Variants in LRCH1 observed in about 807,000 individuals in gnomAD.
The protein encoded by LRCH1 is leucine rich repeats and calponin homology domain containing 1.
LRCH1 carries 23 observed loss-of-function variants against 94.9 expected under a neutral mutation model. The ratio of observed to expected loss-of-function variants is 0.24; its 90% CI spans 0.17 to 0.34. The LOEUF (loss-of-function observed/expected upper bound fraction) is 0.34, where lower values mean the gene tolerates loss of function less well. Among genes scored for constraint, LRCH1 ranks in the 10% least tolerant of loss-of-function variants. The pLI is 1.00. For missense variants in LRCH1, 790 were observed against 945.9 expected, an observed-to-expected ratio of 0.84 and a Z score of 2.16; for synonymous variants, 364 against 354.9, an observed-to-expected ratio of 1.03 and a Z score of -0.29.
At chr13:46,682,561 G>A (rs1870375916) in intron 4 of LRCH1, among the ~76,000 whole-genome samples, 1 of 152,200 alleles carries the variant, frequency 6.6e-6, no homozygotes, top group Non-Finnish European at 1.5e-5. Flanking sequence ...GACATACTTT[G>A]TTCTACAGAT....
chr13:46,577,421 C>A lies in LRCH1; in HGVS notation c.307+23718C>A, dbSNP rs189178768. 1.7e-3 allele frequency among the ~76,000 whole-genome samples: 257 copies of A among 152,298 alleles called. 2 individuals carry two copies. The highest frequency in any genetic ancestry group is 6.0e-3 in the African/African-American group (251 of 41,562). On this transcript the variant is annotated intron_variant, in intron 1 of 19. Coordinates refer to ENST00000389797, the MANE Select transcript of LRCH1 (RefSeq NM_001164211.2). Reference sequence around the variant, plus strand: ...CCCCCAGTTCTTCTTTTAAAGGCATCACCTAATTAGGTCAGGCCCACTCAA... The same window carrying A: ...CCCCCAGTTCTTCTTTTAAAGGCATAACCTAATTAGGTCAGGCCCACTCAA...
intron 1 of LRCH1, among the ~76,000 whole-genome samples, chr13:46,594,243 G>GAAAAA (rs1266865419): frequency 8.3e-6 from 1 of 119,922 alleles, no homozygotes; most frequent in African/African-American, 2.9e-5. Context: ...TAATCTCAGT[G>GAAAAA]AAAAAAAAAA....
At chr13:46,739,045 G>A (rs1873525886) in intron 19 of LRCH1, among the ~76,000 whole-genome samples, 1 of 152,160 alleles carries the variant, frequency 6.6e-6, no homozygotes, top group Non-Finnish European at 1.5e-5. Context: ...TACTTTGTAA[G>A]CATATTGACT....
intron 4 of LRCH1, among the ~76,000 whole-genome samples, chr13:46,683,287 G>A (rs1870436180): frequency 6.6e-6 from 1 of 152,184 alleles, no homozygotes; most frequent in Admixed American, 6.5e-5. Flanking sequence ...AAGGTAATGT[G>A]CTTTATAGAT....
In LRCH1 at chr13:46,723,233, C is replaced by G. The variant is rs1872665186; in HGVS notation, c.1772C>G (p.Pro591Arg). Residue 591 changes from proline to arginine, a missense_variant, in exon 17 of 20, where the codon CCT (proline) becomes CGT (arginine). By Grantham distance (103) the Pro-to-Arg change is moderately radical. Coordinates refer to ENST00000389797, the MANE Select transcript of LRCH1 (RefSeq NM_001164211.2). Reference protein sequence around the residue: ...EGDSDNVFLRPQRNLESIDPQ... With the variant: ...EGDSDNVFLRRQRNLESIDPQ... ...CTTTGTATTGTAGTGTTTCTAAGACCTCAGAGAAATTTGGAATCTATAGAC... is the reference window on the plus strand; with the variant it reads ...CTTTGTATTGTAGTGTTTCTAAGACGTCAGAGAAATTTGGAATCTATAGAC... 6.2e-7 allele frequency: 1 copy of G among 1,608,978 alleles called. No individual in the cohort carries two copies. The highest frequency in any genetic ancestry group is 1.1e-5 in the South Asian group (1 of 90,784).
chr13:46,664,524 C>T (rs1375600739), intron 2 of LRCH1, among the ~76,000 whole-genome samples: 1 of 152,164 alleles, frequency 6.6e-6, no homozygotes, highest in Admixed American at 6.5e-5. Context: ...TATCATATAG[C>T]CTAGCCATGG....
intron 7 of LRCH1, among the ~76,000 whole-genome samples, chr13:46,690,539 A>G (rs901913376): frequency 2.0e-5 from 3 of 152,206 alleles, no homozygotes; most frequent in Admixed American, 1.3e-4. Context: ...TCACTTAAGC[A>G]TAAGTAGGAT....
intron 2 of LRCH1, among the ~76,000 whole-genome samples, chr13:46,659,532 G>A (rs1412185597): frequency 6.6e-6 from 1 of 152,070 alleles, no homozygotes. Context: ...CAAGAATTGT[G>A]CACTTTCATG....
At position 46,728,964 on chromosome 13, in the gene LRCH1, C is replaced by G. The variant is rs777187593; in HGVS notation, c.1987C>G (p.His663Asp). The G allele has an allele frequency of 6.2e-7, 1 of 1,612,962 alleles. No individual in the cohort carries two copies. ...HIRPRSVASI[H>D]VPSPAVPKLS... is the part of the protein sequence containing the mutation. ...CCGCCCACGGTCGGTTGCAAGCATCCATGTCCCATCACCAGCGGTTGTAAG... is the reference window on the plus strand; with the variant it reads ...CCGCCCACGGTCGGTTGCAAGCATCGATGTCCCATCACCAGCGGTTGTAAG... The change falls in exon 18 of 20, where the codon CAT (histidine) becomes GAT (aspartate). Residue 663 changes from histidine to aspartate, a missense_variant. Coordinates refer to ENST00000389797, the MANE Select transcript of LRCH1 (RefSeq NM_001164211.2).
chr13:46,567,492 T>TG (rs2050196708), intron 1 of LRCH1, among the ~76,000 whole-genome samples: 3 of 141,866 alleles, frequency 2.1e-5, no homozygotes, highest in African/African-American at 8.1e-5. Flanking sequence ...TAAGGCAATT[T>TG]TGTGTGTGTG....
chr13:46,746,132 A>T (rs774142415), downstream of LRCH1, among the ~76,000 whole-genome samples: 6 of 152,230 alleles, frequency 3.9e-5, no homozygotes, highest in Non-Finnish European at 8.8e-5. Context: ...AGACACATGT[A>T]GTTCAAACCC....
chr13:46,572,924 C>T (rs1323863652), intron 1 of LRCH1, among the ~76,000 whole-genome samples: 3 of 152,000 alleles, frequency 2.0e-5, no homozygotes, highest in Non-Finnish European at 2.9e-5. Context: ...CCTGGGTGAG[C>T]GACTCCTCCA....
rs151310128 is a variant in LRCH1 at position 46,659,284 on chromosome 13, G to A, written c.452+8939G>A. Among the ~76,000 whole-genome samples, 6 of 152,054 alleles carry A rather than the reference G, an allele frequency of 3.9e-5. No homozygotes were observed. The South Asian group carries it at 8.3e-4, about 21-fold the overall frequency. On this transcript the variant is annotated intron_variant, in intron 2 of 19. Coordinates refer to ENST00000389797, the MANE Select transcript of LRCH1 (RefSeq NM_001164211.2). ...CTTAGCTCACTGCAGCCTCCGCTTC[G>A]TGGGTTCAAGCGATTCTCCTGCCTC...
In LRCH1 at chr13:46,606,695, C is replaced by T. The variant is rs1201135347; in HGVS notation, c.308-43506C>T. Among the ~76,000 whole-genome samples the T allele has an allele frequency of 2.6e-5, 4 of 152,180 alleles. No homozygotes were observed. The East Asian group carries it at 5.8e-4, about 22-fold the overall frequency. On this transcript the variant is annotated intron_variant, in intron 1 of 19. Transcript: ENST00000389797. Reference sequence around the variant, plus strand: ...CAAGCTATTCTCCCGCCTCAGCCTCCTGAGTAGTTGGACTTACAGGCGTGG... The same window carrying T: ...CAAGCTATTCTCCCGCCTCAGCCTCTTGAGTAGTTGGACTTACAGGCGTGG...
chr13:46,685,911 T>G lies in LRCH1; in HGVS notation c.692T>G (p.Val231Gly). 6.3e-7 allele frequency: 1 copy of G among 1,587,098 alleles called. No homozygotes were observed. The highest frequency in any genetic ancestry group is 8.6e-7 in the Non-Finnish European group (1 of 1,168,484). The change falls in exon 5 of 20, where the codon GTA becomes GGA. Residue 231 changes from valine (V) to glycine (G), a missense_variant. By Grantham distance (109) the Val-to-Gly change is moderately radical. Transcript: ENST00000389797. Reference sequence around the variant, plus strand: ...CTTTTTTCTATTATTTTAGAACTAGTAGATCTTTCCTTGGTAAAGTTTGAC... The same window carrying G: ...CTTTTTTCTATTATTTTAGAACTAGGAGATCTTTCCTTGGTAAAGTTTGAC... ...NYLKVLPQEL[V>G]DLSLVKFDFS...
At chr13:46,728,792 C>T in intron 17 of LRCH1, 55 bp from the exon 18 acceptor site, 2 of 1,494,766 alleles carry the variant, frequency 1.3e-6, no homozygotes, top group South Asian at 2.8e-5. Flanking sequence ...ATGTATTTTA[C>T]TCACAGTTAC....
At chr13:46,704,457 A>G (rs1233249236) in intron 11 of LRCH1, among the ~76,000 whole-genome samples, 3 of 152,052 alleles carry the variant, frequency 2.0e-5, no homozygotes, top group Non-Finnish European at 2.9e-5. Context: ...TTAGTTTGAC[A>G]GCATTTTCAT....
At chr13:46,648,318 T>C (rs1195895425) in intron 1 of LRCH1, among the ~76,000 whole-genome samples, 1 of 152,196 alleles carries the variant, frequency 6.6e-6, no homozygotes, top group East Asian at 1.9e-4. Flanking sequence ...TAAATACAGA[T>C]GAAGTTTCAC....
At chr13:46,656,589 G>A (rs963218313) in intron 2 of LRCH1, among the ~76,000 whole-genome samples, 2 of 152,254 alleles carry the variant, frequency 1.3e-5, no homozygotes, top group African/African-American at 4.8e-5. Flanking sequence ...ACTGGAGTTT[G>A]AAAGTGAACT....
Sources: gnomAD v4.1 joint callset for allele counts (sites outside exome capture counted in the v4.1 genomes callset) on GRCh38, gnomAD v4.1.1 for gene constraint, MANE v1.5 for transcripts, NCBI Gene and HGNC (gene_info 2026-07-23, HGNC 2026-07-21) for gene names.